Variants in LAPTM4B observed in about 807,000 individuals in gnomAD.
The protein encoded by LAPTM4B is lysosomal protein transmembrane 4 beta.
Under a neutral mutation model 28.5 loss-of-function variants are expected in LAPTM4B, and 26 were observed. The observed-to-expected ratio is 0.91, with a 90% CI of 0.67 to 1.27. LAPTM4B has a LOEUF of 1.27. LAPTM4B is among the 50% of genes most tolerant of loss of function. The pLI is 0.00. For synonymous variants in LAPTM4B, 109 were observed against 106.4 expected (o/e 1.02, Z -0.15); for missense variants, 288 against 285.8 (o/e 1.01, Z -0.06).
Position 97,818,770 on chromosome 8 carries a change from C to T in LAPTM4B, c.409-370C>T, listed in dbSNP as rs551130852. On this transcript the variant is annotated intron_variant, in intron 4 of 6. Transcript: ENST00000521545. ...CGGCTGGAGTGCAGTGGCATGATCT[C>T]GCTCACTGCAACCTCCACCACCAGG... is the stretch of plus-strand genomic sequence containing the variant. Among the ~76,000 whole-genome samples the T allele has an allele frequency of 6.4e-4, 97 of 151,930 alleles. 1 individual carries two copies. The highest frequency in any genetic ancestry group is 4.3e-3 in the Admixed American group (66 of 15,236).
At chr8:97,787,057 G>A (rs891086828) in intron 1 of LAPTM4B, among the ~76,000 whole-genome samples, 2 of 152,008 alleles carry the variant, frequency 1.3e-5, no homozygotes. Context: ...TCCTTCTCTG[G>A]GTTCTAAGGA....
chr8:97,778,922 T>A (rs937508506), intron 1 of LAPTM4B, among the ~76,000 whole-genome samples: 4 of 152,194 alleles, frequency 2.6e-5, no homozygotes, highest in Non-Finnish European at 5.9e-5. Flanking sequence ...AAACTTTGAT[T>A]TTCTTGAACT....
chr8:97,778,519 A>G (rs1030782795), intron 1 of LAPTM4B, among the ~76,000 whole-genome samples: 3 of 152,050 alleles, frequency 2.0e-5, no homozygotes, highest in Non-Finnish European at 2.9e-5. Context: ...CAAGAATGCA[A>G]TTAACTGATA....
At chr8:97,823,344 G>GTTTTTTTTTTTTTTTTTTTTTTTT (rs10561869) in intron 5 of LAPTM4B, among the ~76,000 whole-genome samples, 2 of 109,270 alleles carry the variant, frequency 1.8e-5, no homozygotes, top group African/African-American at 6.4e-5. Context: ...ATACAATATG[G>GTTTTTTTTTTTTTTTTTTTTTTTT]TTTTTTTTTT....
chr8:97,817,602 C>G (rs548576014), intron 4 of LAPTM4B, among the ~76,000 whole-genome samples: 7 of 151,942 alleles, frequency 4.6e-5, no homozygotes, highest in Non-Finnish European at 1.0e-4. Flanking sequence ...GCACCCGCTA[C>G]CAAGCCTGGC....
chr8:97,814,720 G>A (rs1335283666), intron 2 of LAPTM4B, among the ~76,000 whole-genome samples: 4 of 151,728 alleles, frequency 2.6e-5, no homozygotes, highest in Non-Finnish European at 5.9e-5. Context: ...TTGAGATGGA[G>A]TCTCGCTCTA....
In LAPTM4B at chr8:97,819,211, G is replaced by A. The variant is rs372114592; in HGVS notation, c.480G>A (p.Leu160=). 6.3e-7 allele frequency: 1 copy of A among 1,599,728 alleles called. No individual in the cohort carries two copies. Among genetic ancestry groups the A allele is most frequent in the Non-Finnish European group, 8.6e-7 (1 of 1,168,032 alleles). The part of the protein sequence containing the change: ...NPTCLVLIIL[L]FISIILTFKG... ...CCTGTTTGGTCCTTATTATTCTTCT[G>A]TTTATTAGCATTATCTTGACTTTTA... Residue 160 remains leucine (L), a synonymous_variant, in exon 5 of 7, where the codon CTG becomes CTA. Transcript: ENST00000521545.
At chr8:97,845,870 TCCC>T (rs1817424440) in intron 6 of LAPTM4B, among the ~76,000 whole-genome samples, 1 of 10,336 alleles carries the variant, frequency 9.7e-5, no homozygotes, top group African/African-American at 3.8e-4. Context: ...CCCCTTCCAC[TCCC>T]CTCCCCTCCC....
intron 6 of LAPTM4B, among the ~76,000 whole-genome samples, chr8:97,851,139 C>G (rs956615079): frequency 6.6e-6 from 1 of 152,174 alleles, no homozygotes; most frequent in African/African-American, 2.4e-5. Context: ...ATCACCATTT[C>G]TTTTAGAGTC....
intron 6 of LAPTM4B, among the ~76,000 whole-genome samples, chr8:97,833,151 C>T (rs13257274): frequency 0.47 from 70,966 of 151,120 alleles, 16,936 homozygotes; most frequent in East Asian, 0.57. Flanking sequence ...CTGGCCAACA[C>T]GGTGAAAACC....
intron 6 of LAPTM4B, among the ~76,000 whole-genome samples, chr8:97,825,413 T>C (rs1358002314): frequency 6.6e-6 from 1 of 152,238 alleles, no homozygotes; most frequent in Non-Finnish European, 1.5e-5. Context: ...ATAGATAATA[T>C]ATGTACCTTA....
chr8:97,804,086 C>T (rs1586328076), intron 1 of LAPTM4B, among the ~76,000 whole-genome samples: 1 of 152,200 alleles, frequency 6.6e-6, no homozygotes, highest in Non-Finnish European at 1.5e-5. Flanking sequence ...AAAGAAGTAA[C>T]AAGCCAGTCT....
At chr8:97,785,708 A>G (rs1369553018) in intron 1 of LAPTM4B, among the ~76,000 whole-genome samples, 4 of 152,208 alleles carry the variant, frequency 2.6e-5, no homozygotes, top group Admixed American at 2.6e-4. Context: ...TACAGAAACA[A>G]CATTGGTTCG....
In LAPTM4B at chr8:97,815,410, C is replaced by T. The variant is rs769225990; in HGVS notation, c.285+9C>T. On this transcript the variant is annotated intron_variant, in intron 3 of 6. Transcript: ENST00000521545. ...CTTACGGAGCGTACAAGGTAAGCCG[C>T]TTGCAGTAAGATGCTGGCCTTTTCC... The T allele has an allele frequency of 6.5e-7, 1 of 1,530,732 alleles. No individual in the cohort carries two copies. The highest frequency in any genetic ancestry group is 1.1e-5 in the South Asian group (1 of 89,426). The allele number at this position is 1,530,732 out of a possible 1,614,324, so 94.8% of individuals were successfully genotyped here. A position where few individuals can be genotyped will look rare whatever the true frequency, so the allele number is the denominator to read the frequency against.
chr8:97,815,146 A>G (rs957826626), intron 2 of LAPTM4B, among the ~76,000 whole-genome samples, 182 bp from the exon 3 acceptor site: 17 of 152,210 alleles, frequency 1.1e-4, no homozygotes, highest in Admixed American at 6.5e-4. Context: ...AGAAGAACAA[A>G]CATTAAAAAA....
intron 6 of LAPTM4B, among the ~76,000 whole-genome samples, chr8:97,841,187 G>A (rs183866928): frequency 2.8e-4 from 43 of 152,388 alleles, no homozygotes; most frequent in African/African-American, 7.9e-4. Flanking sequence ...CAGACGGGGC[G>A]GCACAGCCAA....
chr8:97,787,844 A>AT (rs1816428576), intron 1 of LAPTM4B, among the ~76,000 whole-genome samples: 1 of 150,664 alleles, frequency 6.6e-6, no homozygotes. Flanking sequence ...TTATTTATTT[A>AT]TTTTTTTAGA....
At chr8:97,823,003 G>T (rs143814744) in intron 5 of LAPTM4B, among the ~76,000 whole-genome samples, 5,396 of 151,886 alleles carry the variant, frequency 0.036, 142 homozygotes, top group Admixed American at 0.074. Context: ...CACCATGCCC[G>T]GCTAGTTTTT....
intron 6 of LAPTM4B, among the ~76,000 whole-genome samples, chr8:97,840,503 T>C (rs1817328669): frequency 6.6e-6 from 1 of 152,166 alleles, no homozygotes; most frequent in African/African-American, 2.4e-5. Flanking sequence ...GAGTTTCTCA[T>C]TAGAACTCCC....
Sources: gnomAD v4.1 joint callset for allele counts (sites outside exome capture counted in the v4.1 genomes callset) on GRCh38, gnomAD v4.1.1 for gene constraint, MANE v1.5 for transcripts, NCBI Gene and HGNC (gene_info 2026-07-23, HGNC 2026-07-21) for gene names.